The following FKBP5 variants were observed in gnomAD, a reference collection of about 807,000 sequenced individuals.
FKBP5 encodes peptidyl-prolyl cis-trans isomerase FKBP5.
Under a neutral mutation model 50.5 loss-of-function variants are expected in FKBP5, and 23 were observed. The observed-to-expected ratio is 0.46, with a 90% CI of 0.33 to 0.65. FKBP5 has a LOEUF of 0.65. FKBP5 is among the 30% of genes least tolerant of loss of function. The pLI, the probability that FKBP5 is intolerant of heterozygous loss-of-function variation, is 0.02. For missense variants in FKBP5, 411 were observed against 553.1 expected, an observed-to-expected ratio of 0.74 and a Z score of 2.58; for synonymous variants, 176 against 190.6, an observed-to-expected ratio of 0.92 and a Z score of 0.63.
At chr6:35,687,982 T>C (rs1271070387) in intron 1 of FKBP5, among the ~76,000 whole-genome samples, 1 of 152,234 alleles carries the variant, frequency 6.6e-6, no homozygotes, top group Non-Finnish European at 1.5e-5. Context: ...GTGCACCTTT[T>C]TGGACGACCA....
intron 3 of FKBP5, among the ~76,000 whole-genome samples, chr6:35,625,086 A>G (rs976771476): frequency 3.9e-5 from 6 of 152,040 alleles, no homozygotes; most frequent in South Asian, 2.1e-4. Context: ...AAAAACATAA[A>G]TATTTTCTTC....
At chr6:35,669,132 A>G (rs574995467) in intron 1 of FKBP5, among the ~76,000 whole-genome samples, 51 of 152,342 alleles carry the variant, frequency 3.3e-4, no homozygotes, top group African/African-American at 1.2e-3. Context: ...AGTTAAATTC[A>G]GTGTATGAAA....
At chr6:35,684,354 C>T (rs1197832052) in intron 1 of FKBP5, among the ~76,000 whole-genome samples, 1 of 151,704 alleles carries the variant, frequency 6.6e-6, no homozygotes, top group Non-Finnish European at 1.5e-5. Context: ...AACTTTTGTA[C>T]TTTTGTAGAG....
intron 2 of FKBP5, among the ~76,000 whole-genome samples, chr6:35,717,319 T>C (rs1440782161): frequency 1.3e-5 from 2 of 152,166 alleles, no homozygotes; most frequent in Non-Finnish European, 2.9e-5. Context: ...CCTCCTATCA[T>C]GAGAGAGCGT....
intron 2 of FKBP5, among the ~76,000 whole-genome samples, chr6:35,703,302 C>T (rs1365491994): frequency 6.6e-6 from 1 of 151,988 alleles, no homozygotes; most frequent in African/African-American, 2.4e-5. Flanking sequence ...ATCCCAGCTA[C>T]TCGGGAGGCT....
At chr6:35,706,954 G>A (rs1339547838) in intron 2 of FKBP5, among the ~76,000 whole-genome samples, 3 of 152,080 alleles carry the variant, frequency 2.0e-5, no homozygotes, top group Admixed American at 2.0e-4. Context: ...GCAAAGCATA[G>A]AACAGAGTAT....
chr6:35,713,077 T>TA (rs34258638), intron 2 of FKBP5, among the ~76,000 whole-genome samples: 1,487 of 52,980 alleles, frequency 0.028, 62 homozygotes, highest in African/African-American at 0.095. Flanking sequence ...ATCTGGTCTC[T>TA]AAAAAAAAAA....
chr6:35,597,169 C>T, intron 6 of FKBP5, 79 bp downstream of exon 6: 1 of 1,522,612 alleles, frequency 6.6e-7, no homozygotes, highest in Non-Finnish European at 9.0e-7. Flanking sequence ...CTGAAAATGC[C>T]AAAACACTGA....
rs971651819 is a variant in FKBP5, at chr6:35,575,530, C to T, written c.*305G>A. The T allele has an allele frequency of 2.6e-5, 8 of 302,828 alleles. No individual in the cohort carries two copies. Among genetic ancestry groups the T allele is most frequent in the Non-Finnish European group, 5.0e-5 (8 of 159,298 alleles). 18.8% of individuals were successfully genotyped at this position (302,828 alleles called of 1,614,324 possible). On this transcript the variant is annotated 3_prime_UTR_variant, in exon 11 of 11. Transcript: ENST00000357266. Reference sequence around the variant, plus strand: ...ATTGTTAGGATGATCTCCAGGGACCCTGAATTGGATACTTGAAGGTTGATA... The same window carrying T: ...ATTGTTAGGATGATCTCCAGGGACCTTGAATTGGATACTTGAAGGTTGATA...
chr6:35,591,288 T>A, intron 6 of FKBP5, 68 bp from the exon 7 acceptor site: 1 of 1,072,580 alleles, frequency 9.3e-7, no homozygotes, highest in Non-Finnish European at 1.4e-6. Flanking sequence ...CCTTCAGTAT[T>A]TTGAGGCATC....
intron 3 of FKBP5, among the ~76,000 whole-genome samples, chr6:35,626,567 C>T (rs952693817): frequency 6.6e-6 from 1 of 152,150 alleles, no homozygotes; most frequent in Non-Finnish European, 1.5e-5. Context: ...TAAGTATATT[C>T]ACATTGTTGT....
intron 1 of FKBP5, among the ~76,000 whole-genome samples, chr6:35,682,173 C>T (rs1177445429): frequency 2.0e-5 from 3 of 151,930 alleles, no homozygotes; most frequent in Non-Finnish European, 4.4e-5. Context: ...ATGCTAGCAA[C>T]AAAACCCAAA....
At chr6:35,664,641 T>A (rs984367311) in intron 1 of FKBP5, 17 of 154,120 alleles carry the variant, frequency 1.1e-4, no homozygotes, top group African/African-American at 4.1e-4. Context: ...CCCATTACTA[T>A]CAGTATCCTC....
Position 35,616,184 on chromosome 6 carries a change from G to A in FKBP5, c.508+2912C>T, listed in dbSNP as rs377625231. On this transcript the variant is annotated intron_variant, in intron 5 of 10. Transcript: ENST00000357266. The stretch of plus-strand genomic sequence containing the variant: ...ACAAAAATTAGTCGGGCATGGTGGC[G>A]TGCGCCTATAGTCCCAGCTACTTGG... Among the ~76,000 whole-genome samples the A allele has an allele frequency of 1.2e-4, 18 of 151,914 alleles. No individual in the cohort carries two copies. In the East Asian group the frequency reaches 3.3e-3, roughly 28 times the overall value.
chr6:35,712,997 A>G (rs996130285), intron 2 of FKBP5, among the ~76,000 whole-genome samples: 28 of 141,090 alleles, frequency 2.0e-4, no homozygotes, highest in Admixed American at 2.0e-3. Context: ...GGATCACTTG[A>G]GCCCTGGAGG....
At chr6:35,612,030 G>A (rs2150972796) in intron 5 of FKBP5, among the ~76,000 whole-genome samples, 1 of 152,192 alleles carries the variant, frequency 6.6e-6, no homozygotes, top group Non-Finnish European at 1.5e-5. Flanking sequence ...GACAATTTTA[G>A]GTCTCTAATA....
chr6:35,642,341 T>TAATC lies in FKBP5; in HGVS notation c.105+375_105+378dup, dbSNP rs1477202420. 3.3e-5 allele frequency among the ~76,000 whole-genome samples: 5 copies of TAATC among 152,318 alleles called. No homozygotes were observed. The East Asian group carries it at 9.6e-4, about 29-fold the overall frequency. On this transcript the variant is annotated intron_variant, in intron 2 of 10. Transcript: ENST00000357266. The stretch of plus-strand genomic sequence containing the variant: ...AGCTGGGCACAGTGGCTCGTGCCTA[T>TAATC]AATCCCAGCTACTCAGAAGGCTGAG...
intron 1 of FKBP5, among the ~76,000 whole-genome samples, chr6:35,650,365 A>G (rs532411150): frequency 1.0e-3 from 155 of 151,844 alleles, no homozygotes; most frequent in African/African-American, 3.5e-3. Flanking sequence ...TTAATGGTGC[A>G]TAGTGCCCAG....
rs1380244697 is a variant in FKBP5 at position 35,587,020 on chromosome 6, A to G, written c.840+14T>C. On this transcript the variant is annotated intron_variant, in intron 8 of 10. Transcript: ENST00000357266. Reference sequence around the variant, plus strand: ...TTCTTTGAGATGGAAAGGATTGCATAGGGACTCACACACCTTGAAGTATAC... The same window carrying G: ...TTCTTTGAGATGGAAAGGATTGCATGGGGACTCACACACCTTGAAGTATAC... 3.0e-5 allele frequency: 49 copies of G among 1,613,784 alleles called. No individual in the cohort carries two copies. The highest frequency in any genetic ancestry group is 4.1e-5 in the Non-Finnish European group (48 of 1,179,786).
Sources: allele counts gnomAD v4.1 joint callset (sites outside exome capture counted in the v4.1 genomes callset), GRCh38; gene constraint gnomAD v4.1.1; transcripts MANE v1.5; gene names NCBI Gene and HGNC (gene_info 2026-07-23, HGNC 2026-07-21).